The following PCNX2 variants were observed in gnomAD, a reference collection of about 807,000 sequenced individuals.
The protein encoded by PCNX2 is pecanex 2, also known as pecanex-like protein 2.
A neutral mutation model predicts 223.8 loss-of-function variants in PCNX2; 168 were observed. The ratio of observed to expected loss-of-function variants is 0.75; its 90% CI spans 0.66 to 0.85. The LOEUF is 0.85. PCNX2 is among the 40% of genes least tolerant of loss of function. The pLI is 0.00. For missense variants in PCNX2, 2,507 were observed against 2,675.5 expected (o/e 0.94, Z 1.39); for synonymous variants, 1,006 against 1,052.6 (o/e 0.96, Z 0.86).
chr1:233,031,580 T>C (rs1156878657), intron 25 of PCNX2, among the ~76,000 whole-genome samples: 1 of 152,154 alleles, frequency 6.6e-6, no homozygotes, highest in African/African-American at 2.4e-5. Context: ...ATGCCAGAGA[T>C]TGAAAACTAC....
intron 9 of PCNX2, among the ~76,000 whole-genome samples, chr1:233,232,328 A>AT (rs1658114509): frequency 6.6e-6 from 1 of 152,182 alleles, no homozygotes; most frequent in African/African-American, 2.4e-5. Flanking sequence ...GTATTTGATG[A>AT]TTTTGCCCAG....
At chr1:233,011,535 T>G (rs1670469711) in intron 28 of PCNX2, among the ~76,000 whole-genome samples, 1 of 152,232 alleles carries the variant, frequency 6.6e-6, no homozygotes, top group Non-Finnish European at 1.5e-5. Context: ...AAGAAGAATC[T>G]GAGCAGACTA....
intron 23 of PCNX2, among the ~76,000 whole-genome samples, chr1:233,086,379 C>G (rs531445271): frequency 3.9e-5 from 6 of 152,050 alleles, no homozygotes; most frequent in Non-Finnish European, 7.4e-5. Flanking sequence ...CAGTTCCAGC[C>G]GGGTGCAGTG....
At chr1:233,295,980 C>CTCTTTTTT (rs1491328225), upstream of PCNX2, among the ~76,000 whole-genome samples, 1 of 144,856 alleles carries the variant, frequency 6.9e-6, no homozygotes, top group African/African-American at 2.5e-5. This position sits in a 1 kb window ranked among gnomAD's most constrained non-coding sequence, Gnocchi z 4.1. Flanking sequence ...TTCTTTCTCG[C>CTCTTTTTT]TCTTTTTTTC....
intron 10 of PCNX2, among the ~76,000 whole-genome samples, chr1:233,223,486 G>A (rs1167280808): frequency 6.6e-6 from 1 of 152,168 alleles, no homozygotes; most frequent in Non-Finnish European, 1.5e-5. Context: ...GGATACATGT[G>A]CAGAACGTGC....
At position 233,262,924 on chromosome 1, in the gene PCNX2, C is replaced by T. The variant is rs12132556; in HGVS notation, c.359+34G>A. On this transcript the variant is annotated intron_variant, in intron 2 of 33. Coordinates refer to ENST00000258229, the MANE Select transcript of PCNX2 (RefSeq NM_014801.4). ...ATTTTAATCAAGAGCAAAACATTTACATTTTGAAGTGTCACATTAATTGAA... is the reference window on the plus strand; with the variant it reads ...ATTTTAATCAAGAGCAAAACATTTATATTTTGAAGTGTCACATTAATTGAA... The T allele has an allele frequency of 2.5e-6, 4 of 1,592,790 alleles. No homozygotes were observed. The South Asian group carries it at 3.3e-5, about 13-fold the overall frequency.
intron 22 of PCNX2, among the ~76,000 whole-genome samples, chr1:233,094,972 C>T (rs946846718): frequency 6.6e-6 from 1 of 152,172 alleles, no homozygotes; most frequent in Non-Finnish European, 1.5e-5. Context: ...CTGGGAAACA[C>T]ACAGGTTTAA....
At chr1:233,202,282 C>G (rs561389029) in intron 13 of PCNX2, 6 of 439,112 alleles carry the variant, frequency 1.4e-5, no homozygotes, top group African/African-American at 2.1e-5. Context: ...TAGCATACCA[C>G]TGAGTGGGCC....
chr1:233,001,766 A>C lies in PCNX2; in HGVS notation c.4953-85T>G. 1 of 1,261,344 alleles carries C rather than the reference A, an allele frequency of 7.9e-7. No homozygotes were observed. Among genetic ancestry groups the C allele is most frequent in the Non-Finnish European group, 1.0e-6 (1 of 959,108 alleles). The allele number at this position is 1,261,344 out of a possible 1,614,324, so 78.1% of individuals were successfully genotyped here. A position where few individuals can be genotyped will look rare whatever the true frequency, so the allele number is the denominator to read the frequency against. ...AGTTTGAGTCTCCCATTTGTCTAAG[A>C]ATTATCTTAACATTTAGGCTGATAT... On this transcript the variant is annotated intron_variant, in intron 28 of 33. Transcript: ENST00000258229. The surrounding 1 kb of genome is among the most constrained non-coding windows in gnomAD (Gnocchi z 4.2).
At chr1:233,113,623 T>C (rs1675243907) in intron 21 of PCNX2, among the ~76,000 whole-genome samples, 1 of 152,230 alleles carries the variant, frequency 6.6e-6, no homozygotes, top group South Asian at 2.1e-4. Context: ...AATACAGCAG[T>C]GGTCTCACCA....
At chr1:233,192,045 A>C (rs1223260964) in intron 15 of PCNX2, among the ~76,000 whole-genome samples, 2 of 152,188 alleles carry the variant, frequency 1.3e-5, no homozygotes, top group Non-Finnish European at 2.9e-5. Flanking sequence ...GTATTACTGA[A>C]ACATGTTTTG....
Position 233,177,860 on chromosome 1 carries a change from T to G in PCNX2, c.3215A>C (p.His1072Pro). 2 of 1,613,952 alleles carry G rather than the reference T, an allele frequency of 1.2e-6. No individual in the cohort carries two copies. The highest frequency in any genetic ancestry group is 1.7e-6 in the Non-Finnish European group (2 of 1,179,852). The change falls in exon 17 of 34, where the codon CAT (histidine) becomes CCT (proline). Residue 1072 changes from histidine to proline, a missense_variant. By Grantham distance (77) the His-to-Pro change is moderately conservative (BLOSUM62 -2). This residue lies in a region of PCNX2 where 1,372 missense variants were observed against 1,509.4 expected (regional missense o/e 0.91). Transcript: ENST00000258229. ...AGCAGCTGACTCTGCCAGATTTTGA[T>G]GTAAAAATTTAGGAAACAGCCTGCA... ...IQCRLFPKFL[H>P]QNLAESAADP...
rs531848083 is a variant in PCNX2 at position 233,250,507 on chromosome 1, C to A, written c.2222+232G>T. ...TATACAGAGTTCCTGTCTATTTATA[C>A]TACCTACATGTTATCTTCATTTTTG... On this transcript the variant is annotated intron_variant, in intron 8 of 33. Coordinates refer to ENST00000258229, the MANE Select transcript of PCNX2 (RefSeq NM_014801.4). 16 of 934,816 alleles carry A rather than the reference C, an allele frequency of 1.7e-5. No homozygotes were observed. The African/African-American group carries it at 2.9e-4, about 17-fold the overall frequency. 57.9% of individuals were successfully genotyped at this position (934,816 alleles called of 1,614,324 possible).
At chr1:233,018,950 G>A in intron 26 of PCNX2, 5 of 985,438 alleles carry the variant, frequency 5.1e-6, no homozygotes, top group Non-Finnish European at 6.0e-6. Flanking sequence ...AGTGACTGAC[G>A]CTTGTAAGTG....
At chr1:233,198,827 T>C (rs1280921518) in intron 15 of PCNX2, 112 bp downstream of exon 15, 2 of 1,076,278 alleles carry the variant, frequency 1.9e-6, no homozygotes, top group African/African-American at 3.2e-5. Context: ...CACTCCCTGA[T>C]TTGCACAGAT....
At chr1:233,006,746 T>G (rs1670297810) in intron 28 of PCNX2, among the ~76,000 whole-genome samples, 1 of 152,204 alleles carries the variant, frequency 6.6e-6, no homozygotes, top group African/African-American at 2.4e-5. Context: ...ACTATGTTAT[T>G]TACAGATTAG....
chr1:233,107,916 G>T (rs995228987), intron 21 of PCNX2, among the ~76,000 whole-genome samples: 3 of 152,174 alleles, frequency 2.0e-5, no homozygotes, highest in African/African-American at 7.2e-5. Flanking sequence ...GATAAAACAG[G>T]TTGAGGTAAA....
chr1:232,999,757 A>C (rs1193589235), intron 30 of PCNX2: 2 of 219,538 alleles, frequency 9.1e-6, no homozygotes, highest in African/African-American at 4.7e-5. Context: ...TCTGGGACTG[A>C]ATATCTGTGA....
chr1:232,997,398 C>A (rs900653644), intron 32 of PCNX2, among the ~76,000 whole-genome samples: 1 of 152,230 alleles, frequency 6.6e-6, no homozygotes, highest in Non-Finnish European at 1.5e-5. Context: ...GACTGTAACT[C>A]CTGGCTCATT....
Sources: gnomAD v4.1 joint callset for allele counts (sites outside exome capture counted in the v4.1 genomes callset) on GRCh38, gnomAD v4.1.1 for gene constraint, gnomAD v4.1.1 regional missense constraint, Gnocchi (gnomAD v3.1) non-coding constraint, MANE v1.5 for transcripts, NCBI Gene and HGNC (gene_info 2026-07-23, HGNC 2026-07-21) for gene names.